Variants in EPB41 observed in about 807,000 individuals in gnomAD.
EPB41 encodes the protein erythrocyte membrane protein band 4.1.
EPB41 carries 65 observed loss-of-function variants against 108.0 expected under a neutral mutation model. That is an observed-to-expected ratio of 0.60 (90% CI 0.49 to 0.74). EPB41 has a LOEUF of 0.74. EPB41 is among the 30% of genes least tolerant of loss of function. The probability of loss-of-function intolerance (pLI) is 0.00; values close to 1 mark genes in which losing one functional copy is unlikely to be tolerated. For missense variants in EPB41, 875 were observed against 1,037.0 expected, an observed-to-expected ratio of 0.84 and a Z score of 2.15; for synonymous variants, 336 against 358.9, an observed-to-expected ratio of 0.94 and a Z score of 0.72.
chr1:28,913,370 A>G (rs1018070323), upstream of EPB41, among the ~76,000 whole-genome samples: 6 of 152,140 alleles, frequency 3.9e-5, no homozygotes. Context: ...CCCGGGAGGC[A>G]GAGGTTGCAG....
intron 7 of EPB41, among the ~76,000 whole-genome samples, chr1:29,021,850 G>A (rs1017004860): frequency 1.3e-5 from 2 of 152,164 alleles, no homozygotes; most frequent in East Asian, 3.9e-4. Context: ...CCAAAGTGCT[G>A]GGATTACAGG....
Position 29,018,600 on chromosome 1 carries a change from T to C in EPB41, c.1124+158T>C, listed in dbSNP as rs1294601627. Among the ~76,000 whole-genome samples the C allele has an allele frequency of 6.6e-6, 1 of 152,250 alleles. No individual in the cohort carries two copies. The highest frequency in any genetic ancestry group is 1.5e-5 in the Non-Finnish European group (1 of 68,048). On this transcript the variant is annotated intron_variant, in intron 7 of 20. Transcript: ENST00000343067. The surrounding 1 kb of genome is among the most constrained non-coding windows in gnomAD (Gnocchi z 4.4). ...TTTGGGCAGGTTACTTAACCTCTCT[T>C]AATCTAAGCTTTCTCATCAGAGTAA...
chr1:28,998,178 TCTC>T (rs1207024893), intron 4 of EPB41, among the ~76,000 whole-genome samples: 2 of 151,992 alleles, frequency 1.3e-5, no homozygotes, highest in African/African-American at 4.8e-5. Context: ...GCCCGGGAAG[TCTC>T]CTCTGGGGAG....
At chr1:28,917,244 C>CTGTG (rs1422819673) in intron 1 of EPB41, among the ~76,000 whole-genome samples, 60 of 151,614 alleles carry the variant, frequency 4.0e-4, no homozygotes, top group African/African-American at 1.4e-3. Context: ...TGCCATCTCT[C>CTGTG]TCTCTGTGTG....
chr1:29,051,206 C>T (rs982356282), intron 11 of EPB41, among the ~76,000 whole-genome samples: 1 of 142,244 alleles, frequency 7.0e-6, no homozygotes, highest in African/African-American at 2.6e-5. Context: ...TCAAGTGATT[C>T]TCCTGCCTCA....
intron 16 of EPB41, among the ~76,000 whole-genome samples, chr1:29,081,691 C>T (rs1481719352): frequency 6.6e-6 from 1 of 152,000 alleles, no homozygotes; most frequent in Non-Finnish European, 1.5e-5. Flanking sequence ...CAAAATTAGC[C>T]AGGTGTGGTG....
chr1:29,035,706 C>T (rs1639187475), intron 9 of EPB41, 120 bp from the exon 10 acceptor site: 2 of 758,694 alleles, frequency 2.6e-6, no homozygotes, highest in Admixed American at 5.0e-5. Context: ...ATTTTATGTC[C>T]TTAAATTGGT....
chr1:28,889,573 T>C (rs2089870671), intron 1 of EPB41, among the ~76,000 whole-genome samples: 1 of 152,252 alleles, frequency 6.6e-6, no homozygotes, highest in South Asian at 2.1e-4. Context: ...GGAGACTGGC[T>C]GGCCGTGCTG....
intron 16 of EPB41, among the ~76,000 whole-genome samples, chr1:29,066,203 G>A (rs1370322506): frequency 6.6e-6 from 1 of 151,732 alleles, no homozygotes; most frequent in Non-Finnish European, 1.5e-5. Flanking sequence ...GGCGGATCAT[G>A]AGGTCAGGAG....
chr1:28,969,620 C>T (rs112063849), intron 1 of EPB41, among the ~76,000 whole-genome samples: 81 of 151,568 alleles, frequency 5.3e-4, no homozygotes, highest in African/African-American at 1.9e-3. Context: ...AAAAAATTGG[C>T]CGGTCGCAGT....
rs543332258 is a variant in EPB41, at chr1:29,019,130, T to C, written c.1124+688T>C. Among the ~76,000 whole-genome samples the C allele has an allele frequency of 3.9e-5, 6 of 152,238 alleles. No individual in the cohort carries two copies. In the South Asian group the frequency reaches 1.2e-3, roughly 32 times the overall value. On this transcript the variant is annotated intron_variant, in intron 7 of 20. Transcript: ENST00000343067. ...GGACTGCTAGGTTTAGAAAAGGTAT[T>C]GTGGGCTGACCACAATGGCTCGCAC...
chr1:29,089,203 T>C (rs1660338414), intron 16 of EPB41, among the ~76,000 whole-genome samples: 1 of 152,148 alleles, frequency 6.6e-6, no homozygotes, highest in Admixed American at 6.5e-5. Flanking sequence ...AAAATATTAG[T>C]TTTCTCTTAT....
chr1:29,101,811 G>T (rs372124038), intron 17 of EPB41, among the ~76,000 whole-genome samples: 6 of 152,272 alleles, frequency 3.9e-5, no homozygotes, highest in African/African-American at 1.4e-4. Flanking sequence ...TGAGGCGGAG[G>T]CTCCCTTGAG....
At chr1:28,928,811 T>G (rs2093589845) in intron 1 of EPB41, among the ~76,000 whole-genome samples, 1 of 152,194 alleles carries the variant, frequency 6.6e-6, no homozygotes, top group African/African-American at 2.4e-5. Context: ...GGGTGTCCTT[T>G]GTAACATATA....
chr1:28,972,698 C>A (rs2095522199), intron 1 of EPB41, among the ~76,000 whole-genome samples: 1 of 151,796 alleles, frequency 6.6e-6, no homozygotes, highest in Non-Finnish European at 1.5e-5. Flanking sequence ...CTCCTGGGCT[C>A]AGGCAGTTCT....
chr1:28,932,767 A>T (rs763435498), intron 1 of EPB41, among the ~76,000 whole-genome samples: 2 of 152,164 alleles, frequency 1.3e-5, no homozygotes, highest in Non-Finnish European at 2.9e-5. Flanking sequence ...ATCACTTAGA[A>T]GCAAACTTGC....
intron 17 of EPB41, among the ~76,000 whole-genome samples, chr1:29,106,085 T>C (rs1211492524): frequency 2.0e-5 from 3 of 152,082 alleles, no homozygotes. Context: ...TTATCTTGAG[T>C]AAACATCTAA....
chr1:29,072,601 G>C (rs1281437287), intron 16 of EPB41: 3 of 152,124 alleles, frequency 2.0e-5, no homozygotes, highest in African/African-American at 7.2e-5. Context: ...CTGAAATGCA[G>C]CAAGAGTCCT....
At chr1:29,065,198 G>A (rs1391260363) in intron 16 of EPB41, 40 bp downstream of exon 16, 2 of 1,526,124 alleles carry the variant, frequency 1.3e-6, no homozygotes, top group South Asian at 1.3e-5. Flanking sequence ...GAAAATGGAG[G>A]GAATAAATGT....
Sources: allele counts gnomAD v4.1 joint callset (sites outside exome capture counted in the v4.1 genomes callset), GRCh38; gene constraint gnomAD v4.1.1; non-coding constraint Gnocchi (gnomAD v3.1); transcripts MANE v1.5; gene names NCBI Gene and HGNC (gene_info 2026-07-23, HGNC 2026-07-21).